Variants in SGCG observed in about 807,000 individuals in gnomAD.
The protein encoded by SGCG is gamma-sarcoglycan.
In SGCG, 26 loss-of-function variants were observed where a neutral mutation model predicts 29.3. The observed-to-expected ratio is 0.89, with a 90% CI of 0.65 to 1.23. The LOEUF is 1.23. Ranked by LOEUF, SGCG falls within the 50% of genes most tolerant of loss-of-function variation. SGCG has a pLI of 0.00. For missense variants in SGCG, 353 were observed against 356.0 expected (o/e 0.99, Z 0.07); for synonymous variants, 145 against 129.7 (o/e 1.12, Z -0.80).
At chr13:23,214,903 G>C (rs890466974) in intron 2 of SGCG, among the ~76,000 whole-genome samples, 1 of 152,164 alleles carries the variant, frequency 6.6e-6, no homozygotes, top group African/African-American at 2.4e-5. Flanking sequence ...ACTGAGTTTG[G>C]AGGAGGAAGA....
chr13:23,194,530 C>T (rs1877406958), intron 1 of SGCG, among the ~76,000 whole-genome samples: 1 of 152,212 alleles, frequency 6.6e-6, no homozygotes. Context: ...CTCTGGCAAG[C>T]TCTCTCCAAG....
In SGCG at chr13:23,220,443, C is replaced by G. The variant is rs182109464; in HGVS notation, c.196-14168C>G. Reference sequence around the variant, plus strand: ...CCAGCCTGGGCAACGAGCGAAACTCCATCCCAAAATAAATAAGTAAATAAA... The same window carrying G: ...CCAGCCTGGGCAACGAGCGAAACTCGATCCCAAAATAAATAAGTAAATAAA... On this transcript the variant is annotated intron_variant, in intron 2 of 7. Coordinates refer to ENST00000218867, the MANE Select transcript of SGCG (RefSeq NM_000231.3). Among the ~76,000 whole-genome samples the G allele has an allele frequency of 3.2e-3, 493 of 152,230 alleles. 3 individuals carry two copies. The highest frequency in any genetic ancestry group is 4.9e-3 in the Non-Finnish European group (330 of 68,020).
chr13:23,277,650 G>A (rs1279222548), intron 4 of SGCG, among the ~76,000 whole-genome samples: 1 of 149,614 alleles, frequency 6.7e-6, no homozygotes, highest in Non-Finnish European at 1.5e-5. Flanking sequence ...GGTCAGAGGG[G>A]ACACACACAA....
intron 5 of SGCG, among the ~76,000 whole-genome samples, chr13:23,282,456 A>G (rs1238151579): frequency 6.6e-6 from 1 of 152,112 alleles, no homozygotes; most frequent in African/African-American, 2.4e-5. Context: ...GTTATTAGTT[A>G]TTTTTACTGA....
intron 1 of SGCG, among the ~76,000 whole-genome samples, chr13:23,197,749 C>A (rs1186233069): frequency 6.6e-6 from 1 of 152,026 alleles, no homozygotes; most frequent in African/African-American, 2.4e-5. Context: ...TTAATTGAAG[C>A]CCCAGTGGAA....
intron 4 of SGCG, among the ~76,000 whole-genome samples, chr13:23,276,584 C>T (rs61946704): frequency 0.085 from 12,945 of 152,092 alleles, 725 homozygotes; most frequent in South Asian, 0.15. Context: ...AGGCGCACGC[C>T]GCCACACCCA....
At chr13:23,281,143 T>G (rs1954721680) in intron 5 of SGCG, among the ~76,000 whole-genome samples, 1 of 152,028 alleles carries the variant, frequency 6.6e-6, no homozygotes, top group Non-Finnish European at 1.5e-5. Context: ...AAGACCAGCC[T>G]GGACAACATG....
At chr13:23,212,314 C>G (rs1267121469) in intron 2 of SGCG, among the ~76,000 whole-genome samples, 1 of 152,158 alleles carries the variant, frequency 6.6e-6, no homozygotes, top group African/African-American at 2.4e-5. Flanking sequence ...ATCTTGATCA[C>G]CTCTGGTCTA....
intron 6 of SGCG, among the ~76,000 whole-genome samples, chr13:23,310,332 C>T (rs149696293): frequency 0.032 from 4,867 of 151,892 alleles, 277 homozygotes; most frequent in African/African-American, 0.11. Flanking sequence ...ATGATCTGCC[C>T]GCCTCGGCCT....
chr13:23,295,440 T>C lies in SGCG; in HGVS notation c.531T>C (p.His177=). ...VTGPEGALFE[H]SVETPLVRAD... Reference sequence around the variant, plus strand: ...GGCCTGAAGGGGCTCTTTTTGAACATTCAGTGGAGACACCCCTTGTCAGAG... The same window carrying C: ...GGCCTGAAGGGGCTCTTTTTGAACACTCAGTGGAGACACCCCTTGTCAGAG... The change falls in exon 6 of 8, where the codon CAT becomes CAC. Residue 177 remains histidine, a synonymous_variant. Transcript: ENST00000218867. The C allele has an allele frequency of 1.2e-6, 2 of 1,614,080 alleles. No individual in the cohort carries two copies. The highest frequency in any genetic ancestry group is 1.7e-6 in the Non-Finnish European group (2 of 1,179,946).
chr13:23,215,092 A>G (rs1226991946), intron 2 of SGCG, among the ~76,000 whole-genome samples: 1 of 152,186 alleles, frequency 6.6e-6, no homozygotes, highest in Non-Finnish European at 1.5e-5. Context: ...TAACCATATT[A>G]CAGCAATTGG....
At chr13:23,221,177 G>T (rs1878642557) in intron 2 of SGCG, among the ~76,000 whole-genome samples, 1 of 152,064 alleles carries the variant, frequency 6.6e-6, no homozygotes, top group African/African-American at 2.4e-5. Flanking sequence ...TGAAAGTTTA[G>T]AAAACTACCA....
intron 6 of SGCG, among the ~76,000 whole-genome samples, chr13:23,308,285 T>C (rs1245531906): frequency 1.3e-5 from 2 of 152,246 alleles, no homozygotes; most frequent in Admixed American, 1.3e-4. Flanking sequence ...TTATTTTTCA[T>C]GTGGATGTGA....
At chr13:23,278,834 G>A (rs1881191885) in intron 4 of SGCG, among the ~76,000 whole-genome samples, 2 of 152,176 alleles carry the variant, frequency 1.3e-5, no homozygotes, top group Admixed American at 1.3e-4. Context: ...AAAACAGGAA[G>A]GTGTTCTTCC....
At chr13:23,173,116 C>T in the SGCG span, among the ~76,000 whole-genome samples, 35,771 of 152,042 alleles carry the variant, frequency 0.24, 4,285 homozygotes, top group South Asian at 0.39. Context: ...AGAATATATC[C>T]TAGATGTGCA....
chr13:23,276,886 A>G (rs1036763043), intron 4 of SGCG, among the ~76,000 whole-genome samples: 3 of 152,216 alleles, frequency 2.0e-5, no homozygotes, highest in Non-Finnish European at 2.9e-5. Context: ...CCAGGCTTAC[A>G]TGCTTTTCTT....
chr13:23,287,289 T>C (rs1206762734), intron 5 of SGCG, among the ~76,000 whole-genome samples: 2 of 152,184 alleles, frequency 1.3e-5, no homozygotes, highest in African/African-American at 4.8e-5. Flanking sequence ...GCTGTGTTGC[T>C]GAAGGAAGAA....
At chr13:23,292,936 G>A (rs986318253) in intron 5 of SGCG, among the ~76,000 whole-genome samples, 2 of 152,130 alleles carry the variant, frequency 1.3e-5, no homozygotes, top group Non-Finnish European at 2.9e-5. Context: ...TTGCAAATCA[G>A]AAGAAGCAAG....
chr13:23,234,585 C>T (rs767569778), intron 2 of SGCG, 26 bp from the exon 3 acceptor site: 3 of 1,401,564 alleles, frequency 2.1e-6, no homozygotes, highest in Non-Finnish European at 3.0e-6. Context: ...AAAATATACG[C>T]ATTGTCTCTT....
Sources: gnomAD v4.1 joint callset for allele counts (sites outside exome capture counted in the v4.1 genomes callset) on GRCh38, gnomAD v4.1.1 for gene constraint, MANE v1.5 for transcripts, NCBI Gene and HGNC (gene_info 2026-07-23, HGNC 2026-07-21) for gene names.